Variants in ARHGAP5 observed in about 807,000 individuals in gnomAD.
The protein encoded by ARHGAP5 is rho GTPase-activating protein 5.
Under a neutral mutation model 116.6 loss-of-function variants are expected in ARHGAP5, and 23 were observed. The ratio of observed to expected loss-of-function variants is 0.20; its 90% CI spans 0.14 to 0.28. The LOEUF is 0.28. Ranked by LOEUF, ARHGAP5 falls within the 10% of genes least tolerant of loss-of-function variation. The pLI is 1.00. For missense variants in ARHGAP5, 1,405 were observed against 1,774.8 expected, an observed-to-expected ratio of 0.79 and a Z score of 3.74; for synonymous variants, 574 against 602.0, an observed-to-expected ratio of 0.95 and a Z score of 0.68.
At chr14:32,112,737 T>C (rs907897437) in intron 2 of ARHGAP5, among the ~76,000 whole-genome samples, 1 of 152,052 alleles carries the variant, frequency 6.6e-6, no homozygotes, top group Non-Finnish European at 1.5e-5. Context: ...CCGGGCATGG[T>C]GGCAGGGCTT....
chr14:32,077,862 G>C (rs2138986802), intron 1 of ARHGAP5, among the ~76,000 whole-genome samples: 1 of 152,262 alleles, frequency 6.6e-6, no homozygotes, highest in South Asian at 2.1e-4. Flanking sequence ...ACCTGGAAAG[G>C]GTACACGGGG....
intron 2 of ARHGAP5, among the ~76,000 whole-genome samples, chr14:32,094,723 C>T (rs149088090): frequency 6.6e-6 from 1 of 152,024 alleles, no homozygotes; most frequent in African/African-American, 2.4e-5. Context: ...ACCAGTTTTG[C>T]GGTATTAATT....
chr14:32,124,746 G>A (rs1162101871), intron 3 of ARHGAP5, among the ~76,000 whole-genome samples: 1 of 152,174 alleles, frequency 6.6e-6, no homozygotes. Flanking sequence ...CTAAGACACA[G>A]TTGTATATAT....
chr14:32,121,839 A>T (rs1445342713), intron 3 of ARHGAP5, among the ~76,000 whole-genome samples: 1 of 152,190 alleles, frequency 6.6e-6, no homozygotes, highest in African/African-American at 2.4e-5. Context: ...ATAATATATA[A>T]TGTGGTCTTT....
At chr14:32,146,701 C>T (rs778148294) in intron 4 of ARHGAP5, among the ~76,000 whole-genome samples, 1 of 151,942 alleles carries the variant, frequency 6.6e-6, no homozygotes, top group African/African-American at 2.4e-5. Context: ...CAAGAAAATA[C>T]AATATTGTAT....
At chr14:32,126,164 T>A (rs1397656105) in intron 3 of ARHGAP5, among the ~76,000 whole-genome samples, 1 of 152,204 alleles carries the variant, frequency 6.6e-6, no homozygotes, top group African/African-American at 2.4e-5. Context: ...GCTTGTCTTG[T>A]TCCTTATCTC....
intron 1 of ARHGAP5, among the ~76,000 whole-genome samples, chr14:32,087,882 T>A (rs2041845704): frequency 6.6e-6 from 1 of 152,022 alleles, no homozygotes. Context: ...AGTATTAAAT[T>A]TTAGCCTCAT....
At chr14:32,139,318 C>T (rs1227434357) in intron 3 of ARHGAP5, among the ~76,000 whole-genome samples, 1 of 151,914 alleles carries the variant, frequency 6.6e-6, no homozygotes, top group African/African-American at 2.4e-5. Flanking sequence ...TGGCATAATT[C>T]ATCAGTGAAA....
At chr14:32,126,510 A>G (rs1035501880) in intron 3 of ARHGAP5, among the ~76,000 whole-genome samples, 1 of 152,178 alleles carries the variant, frequency 6.6e-6, no homozygotes, top group Non-Finnish European at 1.5e-5. Context: ...CCCTACTCCA[A>G]TAATGACCAC....
At chr14:32,145,867 C>G (rs1472301545) in intron 3 of ARHGAP5, among the ~76,000 whole-genome samples, 2 of 152,122 alleles carry the variant, frequency 1.3e-5, no homozygotes, top group African/African-American at 4.8e-5. Flanking sequence ...AAATATTTTA[C>G]CACTATAAAT....
chr14:32,127,300 T>G (rs1424363308), intron 3 of ARHGAP5, among the ~76,000 whole-genome samples: 2 of 152,136 alleles, frequency 1.3e-5, no homozygotes, highest in Non-Finnish European at 2.9e-5. Flanking sequence ...TCTCTGGTTT[T>G]TCTAGGCAGA....
intron 3 of ARHGAP5, among the ~76,000 whole-genome samples, chr14:32,117,521 A>G (rs1182524884): frequency 6.6e-6 from 1 of 152,240 alleles, no homozygotes. Context: ...GAATACTAAA[A>G]TGTTAAACTT....
chr14:32,147,070 G>A (rs530265667), intron 4 of ARHGAP5, among the ~76,000 whole-genome samples: 2 of 152,042 alleles, frequency 1.3e-5, no homozygotes, highest in Non-Finnish European at 2.9e-5. Flanking sequence ...TGATTGATCG[G>A]CATCTTAGCC....
chr14:32,104,441 T>G (rs1217514147), intron 2 of ARHGAP5, among the ~76,000 whole-genome samples: 2 of 152,218 alleles, frequency 1.3e-5, no homozygotes, highest in African/African-American at 4.8e-5. Context: ...TTTTATTTCC[T>G]CTTTTCACCT....
At chr14:32,087,334 T>A (rs1358706318) in intron 1 of ARHGAP5, among the ~76,000 whole-genome samples, 1 of 152,030 alleles carries the variant, frequency 6.6e-6, no homozygotes, top group Non-Finnish European at 1.5e-5. Flanking sequence ...CCTTAAAACC[T>A]GTTAGAGCCA....
At position 32,152,398 on chromosome 14, in the gene ARHGAP5, A is replaced by G. The variant is rs749484034; in HGVS notation, c.4076-25A>G. On this transcript the variant is annotated intron_variant, in intron 5 of 6. Transcript: ENST00000345122. The stretch of plus-strand genomic sequence containing the variant: ...TTTTAAATGTGTAAGTTTTACACAG[A>G]TTCTTCACTGTTTTAATTTTACAGA... 3 of 1,449,382 alleles carry G rather than the reference A, an allele frequency of 2.1e-6. No individual in the cohort carries two copies. In the Admixed American group the frequency reaches 5.6e-5, roughly 27 times the overall value. The allele number at this position is 1,449,382 out of a possible 1,614,324, so 89.8% of individuals were successfully genotyped here.
intron 2 of ARHGAP5, among the ~76,000 whole-genome samples, chr14:32,103,817 A>G (rs976370616): frequency 6.6e-6 from 1 of 152,174 alleles, no homozygotes; most frequent in African/African-American, 2.4e-5. Context: ...CTTTTAAAGA[A>G]GAGAAACCCC....
chr14:32,135,471 A>G (rs942747937), intron 3 of ARHGAP5, among the ~76,000 whole-genome samples: 2 of 152,188 alleles, frequency 1.3e-5, no homozygotes, highest in East Asian at 1.9e-4. Context: ...TGCCCAGGCA[A>G]GAGCACAGTG....
intron 3 of ARHGAP5, among the ~76,000 whole-genome samples, chr14:32,118,445 C>T (rs561774661): frequency 3.8e-4 from 58 of 151,784 alleles, no homozygotes; most frequent in Non-Finnish European, 6.6e-4. Flanking sequence ...TGCAGTGAGC[C>T]GAGATCATGC....
Sources: gnomAD v4.1 joint callset for allele counts (sites outside exome capture counted in the v4.1 genomes callset) on GRCh38, gnomAD v4.1.1 for gene constraint, MANE v1.5 for transcripts, NCBI Gene and HGNC (gene_info 2026-07-23, HGNC 2026-07-21) for gene names.